SPOCK2: variants seen among roughly 807,000 people sequenced by gnomAD.
SPOCK2 encodes the protein testican-2.
In SPOCK2, 39 loss-of-function variants were observed where a neutral mutation model predicts 60.1. The observed-to-expected ratio is 0.65, with a 90% CI of 0.50 to 0.85. The LOEUF (loss-of-function observed/expected upper bound fraction) is 0.85, where lower values mean the gene tolerates loss of function less well. Among genes scored for constraint, SPOCK2 ranks in the 40% least tolerant of loss-of-function variants. The probability of loss-of-function intolerance (pLI) is 0.00; values close to 1 mark genes in which losing one functional copy is unlikely to be tolerated. For missense variants in SPOCK2, 523 were observed against 567.4 expected (o/e 0.92, Z 0.80); for synonymous variants, 217 against 231.5 (o/e 0.94, Z 0.57).
chr10:72,075,762 A>G (rs1224398345), intron 1 of SPOCK2, among the ~76,000 whole-genome samples: 1 of 152,090 alleles, frequency 6.6e-6, no homozygotes, highest in Non-Finnish European at 1.5e-5. Context: ...CAGGCTGGGC[A>G]GGCAGGATGG....
rs977543913 is a variant in SPOCK2, at chr10:72,072,176, G to A, written c.327C>T (p.Ala109=). The A allele has an allele frequency of 4.5e-6, 7 of 1,544,536 alleles. No individual in the cohort carries two copies. Among genetic ancestry groups the A allele is most frequent in the Non-Finnish European group, 5.2e-6 (6 of 1,145,502 alleles). ...CCAGCTTCTTGCGACTGATGCACATGGCCCGCTGGTAGCCCTGGGCAATGC... is the reference window on the plus strand; with the variant it reads ...CCAGCTTCTTGCGACTGATGCACATAGCCCGCTGGTAGCCCTGGGCAATGC... The part of the protein sequence containing the change: ...KVCIAQGYQR[A]MCISRKKLEH... Residue 109 remains alanine, a synonymous_variant, in exon 4 of 11, where the codon GCC becomes GCT. Transcript: ENST00000373109.
chr10:72,082,678 A>AC (rs1339246607), intron 1 of SPOCK2, among the ~76,000 whole-genome samples: 4 of 151,518 alleles, frequency 2.6e-5, no homozygotes, highest in Non-Finnish European at 4.4e-5. Context: ...ACATGGTGAA[A>AC]CCCCCTGTCT....
chr10:72,067,698 T>G lies in SPOCK2; in HGVS notation c.624A>C (p.Gly208=). Residue 208 remains glycine (G), a synonymous_variant, in exon 7 of 11, where the codon GGA becomes GGC. Transcript: ENST00000373109. ...GCTGGAACCAGTCCCGCAGCCGATC[T>G]CCCAGGTCAGCCAGGTCCTGACCGG... The part of the protein sequence containing the change: ...TCTGQDLADL[G]DRLRDWFQLL... 1 of 1,613,788 alleles carries G rather than the reference T, an allele frequency of 6.2e-7. No homozygotes were observed. The highest frequency in any genetic ancestry group is 2.2e-5 in the East Asian group (1 of 44,866).
intron 8 of SPOCK2, 30 bp from the exon 9 acceptor site, chr10:72,064,270 A>C: frequency 1.3e-6 from 2 of 1,561,160 alleles, no homozygotes; most frequent in Non-Finnish European, 1.7e-6. Context: ...CTCTGATGGG[A>C]CTGTCCCCTG....
rs1489611406 is a variant in SPOCK2, at chr10:72,062,550, CACAT to C, written c.*206_*209del. ...TGTCAGCGCATGCCACACACACACA[CACAT>C]ACACACATGCATGCACACATGCACT... On this transcript the variant is annotated 3_prime_UTR_variant, in exon 11 of 11. Transcript: ENST00000373109. The surrounding 1 kb of genome is among the most constrained non-coding windows in gnomAD (Gnocchi z 4.3). The C allele has an allele frequency of 6.7e-6, 6 of 896,188 alleles. No homozygotes were observed. Among genetic ancestry groups the C allele is most frequent in the Middle Eastern group, 3.5e-4 (1 of 2,832 alleles). 55.5% of individuals were successfully genotyped at this position (896,188 alleles called of 1,614,324 possible). A position where few individuals can be genotyped will look rare whatever the true frequency, so the allele number is the denominator to read the frequency against.
At chr10:72,084,511 A>C (rs1174486851) in intron 1 of SPOCK2, among the ~76,000 whole-genome samples, 1 of 152,108 alleles carries the variant, frequency 6.6e-6, no homozygotes, top group Non-Finnish European at 1.5e-5. Context: ...GGAGACACTG[A>C]GGGCTTTGGC....
rs1463672107 is a variant in SPOCK2 at position 72,066,961 on chromosome 10, T to C, written c.869A>G (p.Asp290Gly). 1.2e-6 allele frequency: 2 copies of C among 1,614,172 alleles called. No individual in the cohort carries two copies. The highest frequency in any genetic ancestry group is 2.2e-5 in the South Asian group (2 of 91,082). Reference sequence around the variant, plus strand: ...AGAGACCCGGCCATCCTTGTAGGTGTCACAGGAGTTGAAGAAGGGACGGAT... The same window carrying C: ...AGAGACCCGGCCATCCTTGTAGGTGCCACAGGAGTTGAAGAAGGGACGGAT... ...VCIRPFFNSC[D>G]TYKDGRVSTA... The change falls in exon 8 of 11, where the codon GAC becomes GGC. Residue 290 changes from aspartate (D) to glycine (G), a missense_variant. Physicochemically the swap from Asp to Gly is moderately conservative, Grantham distance 94. Transcript: ENST00000373109.
rs1312834395 is a variant in SPOCK2 at position 72,087,540 on chromosome 10, G to A, written c.189+600C>T. On this transcript the variant is annotated intron_variant, in intron 1 of 10. Coordinates refer to ENST00000373109, the MANE Select transcript of SPOCK2 (RefSeq NM_001244950.2). The surrounding 1 kb of genome is among the most constrained non-coding windows in gnomAD (Gnocchi z 4.7). ...CGGGGACCCCAGCCCACCCCCGTAC[G>A]GACACGCCTTCCACCATCTCGCCTA... 6.6e-6 allele frequency among the ~76,000 whole-genome samples: 1 copy of A among 152,158 alleles called. No individual in the cohort carries two copies. The highest frequency in any genetic ancestry group is 1.5e-5 in the Non-Finnish European group (1 of 68,014).
chr10:72,082,946 C>T (rs1341384997), intron 1 of SPOCK2, among the ~76,000 whole-genome samples: 1 of 152,062 alleles, frequency 6.6e-6, no homozygotes, highest in Non-Finnish European at 1.5e-5. Context: ...GGAAGAGGGC[C>T]CTCATCAAAC....
intron 1 of SPOCK2, among the ~76,000 whole-genome samples, chr10:72,075,913 A>G (rs2131818599): frequency 6.6e-6 from 1 of 152,250 alleles, no homozygotes; most frequent in East Asian, 1.9e-4. Context: ...TTGGGCAAGC[A>G]CCCGACCTCG....
chr10:72,063,281 G>A (rs1840522348), intron 9 of SPOCK2, 119 bp from the exon 10 acceptor site: 1 of 1,416,718 alleles, frequency 7.1e-7, no homozygotes, highest in African/African-American at 1.4e-5. Flanking sequence ...AGCCCAGCCA[G>A]ACCGGGTGCT....
At chr10:72,076,373 G>A (rs1317603099) in intron 1 of SPOCK2, among the ~76,000 whole-genome samples, 1 of 152,200 alleles carries the variant, frequency 6.6e-6, no homozygotes, top group Non-Finnish European at 1.5e-5. Context: ...CACCCCAGTG[G>A]GCTCATTAGC....
intron 1 of SPOCK2, among the ~76,000 whole-genome samples, chr10:72,083,838 A>G (rs79560752): frequency 0.012 from 1,813 of 152,204 alleles, 41 homozygotes; most frequent in African/African-American, 0.041. Context: ...AAAGGACCCA[A>G]ACCCCAATTA....
intron 1 of SPOCK2, among the ~76,000 whole-genome samples, chr10:72,083,384 GA>G: frequency 6.6e-6 from 1 of 152,326 alleles, no homozygotes. Flanking sequence ...AAACCACCAG[GA>G]AAATCAAGGC....
chr10:72,064,377 C>T lies in SPOCK2; in HGVS notation c.929-137G>A, dbSNP rs892974721. The T allele has an allele frequency of 2.5e-5, 23 of 938,560 alleles. No homozygotes were observed. The African/African-American group carries it at 3.1e-4, about 13-fold the overall frequency. 58.1% of individuals were successfully genotyped at this position (938,560 alleles called of 1,614,324 possible). A position where few individuals can be genotyped will look rare whatever the true frequency, so the allele number is the denominator to read the frequency against. ...CCGTTTCTGACACGGGGTCACCCCACAGCAGGGGTGGGAAGTACAAGGGTT... is the reference window on the plus strand; with the variant it reads ...CCGTTTCTGACACGGGGTCACCCCATAGCAGGGGTGGGAAGTACAAGGGTT... On this transcript the variant is annotated intron_variant, in intron 8 of 10. Transcript: ENST00000373109.
At chr10:72,064,328 G>A in intron 8 of SPOCK2, 88 bp from the exon 9 acceptor site, 1 of 1,387,230 alleles carries the variant, frequency 7.2e-7, no homozygotes, top group South Asian at 1.5e-5. Context: ...GACCCAGGCA[G>A]GGGCTCTGCA....
chr10:72,066,953 T>G lies in SPOCK2; in HGVS notation c.877A>C (p.Lys293Gln), dbSNP rs139085775. 5 of 1,614,056 alleles carry G rather than the reference T, an allele frequency of 3.1e-6. No homozygotes were observed. The African/African-American group carries it at 6.7e-5, about 22-fold the overall frequency. ...RPFFNSCDTY[K>Q]DGRVSTAEWC... ...TCAGCAGTAGAGACCCGGCCATCCT[T>G]GTAGGTGTCACAGGAGTTGAAGAAG... The change falls in exon 8 of 11, where the codon AAG (lysine) becomes CAG (glutamine). Residue 293 changes from lysine (K) to glutamine (Q), a missense_variant. Transcript: ENST00000373109.
At position 72,087,957 on chromosome 10, in the gene SPOCK2, G is replaced by A. The variant is rs1374269247; in HGVS notation, c.189+183C>T. On this transcript the variant is annotated intron_variant, in intron 1 of 10. Transcript: ENST00000373109. The surrounding 1 kb of genome is among the most constrained non-coding windows in gnomAD (Gnocchi z 4.7). ...GGGGGTCCCAGGGCCGCCGGCCCGG[G>A]CCGCAGGGACAGGGGAGGGGCGCTG... Among the ~76,000 whole-genome samples the A allele has an allele frequency of 6.6e-6, 1 of 152,064 alleles. No individual in the cohort carries two copies. The highest frequency in any genetic ancestry group is 1.5e-5 in the Non-Finnish European group (1 of 67,938).
Position 72,072,528 on chromosome 10 carries a change from C to G in SPOCK2, c.219G>C (p.Trp73Cys), listed in dbSNP as rs1262738885. ...CTTCATCTCCTTGCTGATTGTCCTC[C>G]CAGCTCTTGATATAGTCATCCTAGA... ...DEVEDDYIKS[W>C]EDNQQGDEAL... The change falls in exon 3 of 11, where the codon TGG becomes TGC. Residue 73 changes from tryptophan to cysteine, a missense_variant. Transcript: ENST00000373109. 1 of 1,613,894 alleles carries G rather than the reference C, an allele frequency of 6.2e-7. No individual in the cohort carries two copies. The highest frequency in any genetic ancestry group is 1.7e-5 in the Admixed American group (1 of 60,004).
Sources: allele counts gnomAD v4.1 joint callset (sites outside exome capture counted in the v4.1 genomes callset), GRCh38; gene constraint gnomAD v4.1.1; non-coding constraint Gnocchi (gnomAD v3.1); transcripts MANE v1.5; gene names NCBI Gene and HGNC (gene_info 2026-07-23, HGNC 2026-07-21).